CHST9: variants seen among roughly 807,000 people sequenced by gnomAD.
The protein encoded by CHST9 is GalNAc-4-sulfotransferase 2.
A neutral mutation model predicts 44.4 loss-of-function variants in CHST9; 41 were observed. That is an observed-to-expected ratio of 0.92 (90% CI 0.72 to 1.20). The LOEUF (loss-of-function observed/expected upper bound fraction) is 1.20, where lower values mean the gene tolerates loss of function less well. Ranked by LOEUF, CHST9 falls within the 50% of genes most tolerant of loss-of-function variation. The probability of loss-of-function intolerance (pLI) is 0.00; values close to 1 mark genes in which losing one functional copy is unlikely to be tolerated. For synonymous variants in CHST9, 171 were observed against 178.4 expected (o/e 0.96, Z 0.33); for missense variants, 504 against 516.5 (o/e 0.98, Z 0.23).
At chr18:27,012,529 C>A (rs62082096) in intron 4 of CHST9, among the ~76,000 whole-genome samples, 1,560 of 151,898 alleles carry the variant, frequency 0.01, 14 homozygotes, top group Non-Finnish European at 0.017. Flanking sequence ...CAGGGGTGGA[C>A]GAGGCAGAGG....
intron 1 of CHST9, among the ~76,000 whole-genome samples, chr18:27,152,309 C>T (rs1372464475): frequency 1.3e-5 from 2 of 151,216 alleles, no homozygotes; most frequent in Non-Finnish European, 2.9e-5. Context: ...GTTTTAAACT[C>T]ATATTTTACA....
intron 1 of CHST9, among the ~76,000 whole-genome samples, chr18:27,177,818 A>C (rs2058880769): frequency 6.6e-6 from 1 of 152,026 alleles, no homozygotes; most frequent in Non-Finnish European, 1.5e-5. Flanking sequence ...ACAAAGAGGA[A>C]GGAGGGTTTT....
At chr18:27,137,037 A>G (rs2058518720) in intron 2 of CHST9, among the ~76,000 whole-genome samples, 2 of 152,154 alleles carry the variant, frequency 1.3e-5, no homozygotes, top group South Asian at 4.1e-4. Context: ...GTTACATATG[A>G]GTATTTCTAA....
chr18:27,159,426 T>C (rs1274636502), intron 1 of CHST9, among the ~76,000 whole-genome samples: 2 of 152,196 alleles, frequency 1.3e-5, no homozygotes, highest in African/African-American at 4.8e-5. Flanking sequence ...TGTAGATATG[T>C]GGCATTATTT....
At chr18:26,956,493 T>C (rs1442416815) in intron 4 of CHST9, among the ~76,000 whole-genome samples, 1 of 149,046 alleles carries the variant, frequency 6.7e-6, no homozygotes, top group Non-Finnish European at 1.5e-5. Flanking sequence ...TACAATTTTT[T>C]ATATATATAC....
intron 1 of CHST9, 38 bp from the exon 2 acceptor site, chr18:27,142,943 G>T: frequency 1.3e-6 from 1 of 748,072 alleles, no homozygotes; most frequent in Non-Finnish European, 2.1e-6. Context: ...GTACATTTCT[G>T]CTAATATTAA....
At chr18:26,971,243 AG>A (rs754883392) in intron 4 of CHST9, among the ~76,000 whole-genome samples, 431 of 95,534 alleles carry the variant, frequency 4.5e-3, no homozygotes, top group Middle Eastern at 4.9e-3. Context: ...TGACCATGTC[AG>A]TCATAGAACA....
At chr18:27,174,048 A>G (rs1471194894) in intron 1 of CHST9, among the ~76,000 whole-genome samples, 1 of 151,976 alleles carries the variant, frequency 6.6e-6, no homozygotes, top group Non-Finnish European at 1.5e-5. Context: ...ACATCCTTCT[A>G]TATAACCCCA....
intron 1 of CHST9, among the ~76,000 whole-genome samples, chr18:27,145,195 G>T (rs575646377): frequency 6.6e-6 from 1 of 152,124 alleles, no homozygotes; most frequent in African/African-American, 2.4e-5. Flanking sequence ...TGTTTGTTTT[G>T]TTTATTATTT....
chr18:27,023,516 C>G (rs541335513), intron 4 of CHST9, among the ~76,000 whole-genome samples: 2 of 152,294 alleles, frequency 1.3e-5, no homozygotes, highest in Non-Finnish European at 2.9e-5. Flanking sequence ...TCTTAATAAT[C>G]TTTATTTTAC....
At chr18:27,010,098 T>C (rs1419345587) in intron 4 of CHST9, among the ~76,000 whole-genome samples, 1 of 152,242 alleles carries the variant, frequency 6.6e-6, no homozygotes, top group Admixed American at 6.5e-5. Context: ...TTAAATATAA[T>C]TGTATCATAC....
intron 1 of CHST9, among the ~76,000 whole-genome samples, chr18:27,145,417 C>T (rs1598755494): frequency 6.6e-6 from 1 of 152,340 alleles, no homozygotes; most frequent in East Asian, 1.9e-4. Context: ...CTCCTGACCT[C>T]AGGCGATCCT....
intron 2 of CHST9, among the ~76,000 whole-genome samples, chr18:27,115,946 G>C (rs146835124): frequency 1.3e-4 from 20 of 152,222 alleles, no homozygotes; most frequent in South Asian, 6.2e-4. Context: ...GTCTTCTTTG[G>C]AGAAATGTCT....
At chr18:27,099,480 A>G (rs565085617) in intron 2 of CHST9, among the ~76,000 whole-genome samples, 2 of 152,228 alleles carry the variant, frequency 1.3e-5, no homozygotes, top group East Asian at 3.9e-4. Context: ...AGGAACTTAA[A>G]ACACTTGAAC....
chr18:27,002,223 C>A (rs947823534), intron 4 of CHST9, among the ~76,000 whole-genome samples: 1 of 148,172 alleles, frequency 6.7e-6, no homozygotes, highest in Non-Finnish European at 1.5e-5. Context: ...CCTGCACCAT[C>A]CTTAATTTTT....
chr18:27,014,800 A>C (rs2057131147), intron 4 of CHST9, among the ~76,000 whole-genome samples: 1 of 152,206 alleles, frequency 6.6e-6, no homozygotes, highest in African/African-American at 2.4e-5. Context: ...TGTAGTAAAC[A>C]CTATTCACAA....
intron 4 of CHST9, among the ~76,000 whole-genome samples, chr18:26,983,867 G>A (rs1364656904): frequency 6.6e-6 from 1 of 151,996 alleles, no homozygotes; most frequent in Non-Finnish European, 1.5e-5. Flanking sequence ...AAGCTTTGCA[G>A]TTATTTAAAA....
chr18:26,945,207 C>T (rs1383967225), intron 4 of CHST9, among the ~76,000 whole-genome samples: 2 of 152,060 alleles, frequency 1.3e-5, no homozygotes, highest in African/African-American at 4.8e-5. Flanking sequence ...AAAAAACAAA[C>T]TTTAATTTTA....
chr18:27,125,100 A>C (rs1228159537), intron 2 of CHST9, among the ~76,000 whole-genome samples: 1 of 152,194 alleles, frequency 6.6e-6, no homozygotes, highest in Non-Finnish European at 1.5e-5. Flanking sequence ...GTGCTACTAA[A>C]TATGTCTTTC....
Sources: allele counts gnomAD v4.1 joint callset (sites outside exome capture counted in the v4.1 genomes callset), GRCh38; gene constraint gnomAD v4.1.1; transcripts MANE v1.5; gene names NCBI Gene and HGNC (gene_info 2026-07-23, HGNC 2026-07-21).